UBE2G1: variants seen among roughly 807,000 people sequenced by gnomAD.
UBE2G1 encodes ubiquitin conjugating enzyme E2 G1.
A neutral mutation model predicts 22.7 loss-of-function variants in UBE2G1; 5 were observed. That is an observed-to-expected ratio of 0.22 (90% CI 0.12 to 0.46). The LOEUF (loss-of-function observed/expected upper bound fraction) is 0.46, where lower values mean the gene tolerates loss of function less well. Ranked by LOEUF, UBE2G1 falls within the 20% of genes least tolerant of loss-of-function variation. The pLI is 0.99. For missense variants in UBE2G1, 88 were observed against 203.9 expected, an observed-to-expected ratio of 0.43 and a Z score of 3.46; for synonymous variants, 74 against 67.5, an observed-to-expected ratio of 1.10 and a Z score of -0.47.
chr17:4,280,336 CTTTTTTTTTT>C (rs71144178), intron 5 of UBE2G1, among the ~76,000 whole-genome samples: 13 of 68,982 alleles, frequency 1.9e-4, no homozygotes, highest in South Asian at 5.4e-4. Context: ...GGCACCTGGG[CTTTTTTTTTT>C]TTTTTTTTTT....
intron 2 of UBE2G1, among the ~76,000 whole-genome samples, chr17:4,304,594 A>C (rs148560560): frequency 5.3e-5 from 8 of 152,272 alleles, no homozygotes; most frequent in African/African-American, 9.6e-5. Context: ...ATAGACTGAA[A>C]AGAGAGTGGA....
intron 1 of UBE2G1, among the ~76,000 whole-genome samples, chr17:4,346,324 G>A (rs1018089715): frequency 4.0e-5 from 6 of 151,764 alleles, no homozygotes; most frequent in South Asian, 2.1e-4. Flanking sequence ...GACTTATACC[G>A]AAATAATCCT....
In UBE2G1 at chr17:4,366,450, C is replaced by T. The variant is rs1970037082; in HGVS notation, c.-134G>A. The stretch of plus-strand genomic sequence containing the variant: ...AGCGCCGGAGCCGAGGAAGGCCGGG[C>T]TGAGGCGGCGGGAGCGGCGCCTCGC... On this transcript the variant is annotated 5_prime_UTR_variant, in exon 1 of 6. Coordinates refer to ENST00000396981, the MANE Select transcript of UBE2G1 (RefSeq NM_003342.5). 3 of 902,828 alleles carry T rather than the reference C, an allele frequency of 3.3e-6. No homozygotes were observed. The highest frequency in any genetic ancestry group is 5.5e-5 in the South Asian group (2 of 36,210). 55.9% of individuals were successfully genotyped at this position (902,828 alleles called of 1,614,324 possible). A position where few individuals can be genotyped will look rare whatever the true frequency, so the allele number is the denominator to read the frequency against.
chr17:4,321,288 T>C (rs1287470956), intron 1 of UBE2G1, among the ~76,000 whole-genome samples: 1 of 151,950 alleles, frequency 6.6e-6, no homozygotes, highest in African/African-American at 2.4e-5. Flanking sequence ...CTTCAATGTA[T>C]TATCCCAGAA....
At position 4,366,483 on chromosome 17, in the gene UBE2G1, G is replaced by A. The variant is rs947023099; in HGVS notation, c.-167C>T. 1 of 566,202 alleles carries A rather than the reference G, an allele frequency of 1.8e-6. No homozygotes were observed. The highest frequency in any genetic ancestry group is 2.0e-5 in the African/African-American group (1 of 50,488). 35.1% of individuals were successfully genotyped at this position (566,202 alleles called of 1,614,324 possible). ...GCGGGAGCGGCGCCTCGCTGCCGGT[G>A]CGAGTCCGCTCGCTTCAGCTCTTTT... On this transcript the variant is annotated 5_prime_UTR_variant, in exon 1 of 6. Coordinates refer to ENST00000396981, the MANE Select transcript of UBE2G1 (RefSeq NM_003342.5).
intron 1 of UBE2G1, among the ~76,000 whole-genome samples, chr17:4,344,475 G>A (rs1292695666): frequency 1.3e-5 from 2 of 151,878 alleles, no homozygotes; most frequent in African/African-American, 2.4e-5. Context: ...GGGAGGCGGA[G>A]GCTGCAATGA....
intron 3 of UBE2G1, among the ~76,000 whole-genome samples, chr17:4,289,642 A>G (rs774854453): frequency 3.9e-5 from 6 of 152,216 alleles, no homozygotes; most frequent in Non-Finnish European, 8.8e-5. Context: ...TATCTTTTTC[A>G]TTTATGTAAA....
intron 1 of UBE2G1, among the ~76,000 whole-genome samples, chr17:4,307,985 G>A (rs1380311775): frequency 1.3e-5 from 2 of 152,208 alleles, no homozygotes; most frequent in Non-Finnish European, 2.9e-5. Context: ...TCCTGATGGT[G>A]AGCAGATCAT....
At chr17:4,291,535 C>G (rs1052476557) in intron 3 of UBE2G1, among the ~76,000 whole-genome samples, 1 of 151,934 alleles carries the variant, frequency 6.6e-6, no homozygotes, top group Non-Finnish European at 1.5e-5. Flanking sequence ...CAGAATTCTA[C>G]CACCACTATA....
At chr17:4,296,443 A>G (rs372371885) in intron 3 of UBE2G1, among the ~76,000 whole-genome samples, 2 of 152,044 alleles carry the variant, frequency 1.3e-5, no homozygotes. Flanking sequence ...TTGTATTTTG[A>G]GTAGAGATGG....
chr17:4,353,812 A>ATTTTTT (rs11437680), intron 1 of UBE2G1, among the ~76,000 whole-genome samples: 2 of 104,848 alleles, frequency 1.9e-5, no homozygotes, highest in Non-Finnish European at 3.6e-5. Flanking sequence ...GCCCGGTCAA[A>ATTTTTT]TTTTTTTTTT....
intron 1 of UBE2G1, among the ~76,000 whole-genome samples, chr17:4,326,742 T>C (rs866332511): frequency 9.8e-5 from 15 of 152,342 alleles, no homozygotes; most frequent in Non-Finnish European, 1.0e-4. Context: ...TACAACAGGA[T>C]GTTACTCAGC....
intron 1 of UBE2G1, among the ~76,000 whole-genome samples, chr17:4,344,515 GGAC>G (rs1013491308): frequency 9.2e-5 from 14 of 151,484 alleles, no homozygotes; most frequent in African/African-American, 3.4e-4. Context: ...ACTCCAGCCT[GGAC>G]GACAAGAGTG....
intron 3 of UBE2G1, among the ~76,000 whole-genome samples, chr17:4,294,435 A>C (rs2325981): frequency 2.0e-5 from 1 of 50,880 alleles, no homozygotes; most frequent in East Asian, 4.7e-4. Context: ...AAAAAAAAAA[A>C]AAAAAGAAAG....
rs1969752605 is a variant in UBE2G1, at chr17:4,344,925, C to A, written c.46+21346G>T. Reference sequence around the variant, plus strand: ...AAGGTATTAAAAAATAAGTATTTTACCTGCCTTCAGAAATTTCCCACAATT... The same window carrying A: ...AAGGTATTAAAAAATAAGTATTTTAACTGCCTTCAGAAATTTCCCACAATT... On this transcript the variant is annotated intron_variant, in intron 1 of 5. Coordinates refer to ENST00000396981, the MANE Select transcript of UBE2G1 (RefSeq NM_003342.5). 3.3e-5 allele frequency among the ~76,000 whole-genome samples: 5 copies of A among 152,112 alleles called. 1 individual carries two copies. In the South Asian group the frequency reaches 1.0e-3, roughly 31 times the overall value.
intron 5 of UBE2G1, among the ~76,000 whole-genome samples, chr17:4,278,889 T>C (rs1968851047): frequency 6.6e-6 from 1 of 152,226 alleles, no homozygotes. Flanking sequence ...GGACAGACTT[T>C]AGCTTTACTT....
At chr17:4,348,839 A>C (rs1327301217) in intron 1 of UBE2G1, among the ~76,000 whole-genome samples, 23 of 151,874 alleles carry the variant, frequency 1.5e-4, no homozygotes, top group Non-Finnish European at 3.4e-4. Flanking sequence ...CCAGCCTGGG[A>C]GACACAACAA....
In UBE2G1 at chr17:4,270,547, C is replaced by CT. The variant is rs1285470371; in HGVS notation, c.*2006dup. On this transcript the variant is annotated 3_prime_UTR_variant, in exon 6 of 6. Transcript: ENST00000396981. ...CCTGGGTGACAGAGAGACCCAGTTT[C>CT]TTAAAAAAAAAAAAAAAAAAGTAAA... 1.2e-4 allele frequency: 8 copies of CT among 66,888 alleles called. No individual in the cohort carries two copies. The East Asian group carries it at 1.9e-3, about 16-fold the overall frequency. 4.1% of individuals were successfully genotyped at this position (66,888 alleles called of 1,614,324 possible).
At chr17:4,282,251 T>C (rs1968902649) in intron 5 of UBE2G1, among the ~76,000 whole-genome samples, 1 of 152,012 alleles carries the variant, frequency 6.6e-6, no homozygotes, top group Non-Finnish European at 1.5e-5. Context: ...CCTGGCTAAT[T>C]TTTGTATTTT....
Sources: allele counts gnomAD v4.1 joint callset (sites outside exome capture counted in the v4.1 genomes callset), GRCh38; gene constraint gnomAD v4.1.1; transcripts MANE v1.5; gene names NCBI Gene and HGNC (gene_info 2026-07-23, HGNC 2026-07-21).